The following GPR137 variants were observed in gnomAD, a reference collection of about 807,000 sequenced individuals.
GPR137 encodes the protein G protein-coupled receptor 137.
A neutral mutation model predicts 38.9 loss-of-function variants in GPR137; 20 were observed. That is an observed-to-expected ratio of 0.51 (90% CI 0.36 to 0.75). GPR137 has a LOEUF of 0.75. GPR137 is among the 30% of genes least tolerant of loss of function. GPR137 has a pLI of 0.00. For synonymous variants in GPR137, 226 were observed against 235.8 expected (o/e 0.96, Z 0.38); for missense variants, 456 against 526.4 (o/e 0.87, Z 1.31).
At chr11:64,277,167 A>C (rs1053973320) in intron 2 of GPR137, 12 of 595,764 alleles carry the variant, frequency 2.0e-5, no homozygotes, top group African/African-American at 1.7e-4. Context: ...GCCATCAGGC[A>C]AGGGCTGGGT....
At position 64,286,854 on chromosome 11, in the gene GPR137, G is replaced by T; in HGVS notation, c.330G>T (p.Leu110Phe). 6.3e-7 allele frequency: 1 copy of T among 1,598,314 alleles called. No individual in the cohort carries two copies. The highest frequency in any genetic ancestry group is 8.6e-7 in the Non-Finnish European group (1 of 1,169,412). Residue 110 changes from leucine to phenylalanine, a missense_variant, in exon 1 of 7, where the codon TTG becomes TTT. Transcript: ENST00000438980. ...CCGTCTGCCTGCAGTTCTTCACCTT[G>T]ACGCTTATGAACCTCTACTTTGCCC... is the stretch of plus-strand genomic sequence containing the variant. Reference protein sequence around the residue: ...CCPVCLQFFTLTLMNLYFAQV... With the variant: ...CCPVCLQFFTFTLMNLYFAQV...
chr11:64,286,545 C>CCTGGTGCCTGCTGCCGGG lies in GPR137; in HGVS notation c.33_50dup (p.Ala12_Ala17dup), dbSNP rs751594812. On this transcript the variant is annotated inframe_insertion, in exon 1 of 7. Transcript: ENST00000438980. Reference sequence around the variant, plus strand: ...CTGACATGGAGAGTAACCTGTCTGGCCTGGTGCCTGCTGCCGGGCTGGTGC... The same window carrying CCTGGTGCCTGCTGCCGGG: ...CTGACATGGAGAGTAACCTGTCTGGCCTGGTGCCTGCTGCCGGGCTGGTGCCTGCTGCCGGGCTGGTGC... 1 of 1,612,198 alleles carries CCTGGTGCCTGCTGCCGGG rather than the reference C, an allele frequency of 6.2e-7. No homozygotes were observed. The highest frequency in any genetic ancestry group is 1.7e-5 in the Admixed American group (1 of 59,934).
At chr11:64,284,954 C>A, upstream of GPR137, 2 of 1,398,270 alleles carry the variant, frequency 1.4e-6, no homozygotes, top group Non-Finnish European at 9.3e-7. Context: ...AGACCCACTT[C>A]TGCCAACAAG....
chr11:64,285,007 G>C (rs868108372), upstream of GPR137: 38 of 1,269,380 alleles, frequency 3.0e-5, 1 homozygote, highest in Middle Eastern at 2.1e-3. Context: ...CAGTGAAGTG[G>C]GGATAGTGAC....
At chr11:64,275,341 T>G (rs2032981859), upstream of GPR137, among the ~76,000 whole-genome samples, 1 of 152,060 alleles carries the variant, frequency 6.6e-6, no homozygotes, top group South Asian at 2.1e-4. Flanking sequence ...TAATTTCCAG[T>G]TCTGTGGTGC....
upstream of GPR137, among the ~76,000 whole-genome samples, chr11:64,280,597 C>T (rs1429587504): frequency 4.0e-5 from 6 of 151,122 alleles, no homozygotes; most frequent in Admixed American, 6.6e-5. Context: ...GTGATCCGCC[C>T]GCCTCGGCCT....
At chr11:64,271,789 C>T, upstream of GPR137, 1 of 1,341,180 alleles carries the variant, frequency 7.5e-7, no homozygotes, top group Non-Finnish European at 9.6e-7. Context: ...CTCCGGATCT[C>T]CACAGCCCCA....
upstream of GPR137, among the ~76,000 whole-genome samples, chr11:64,273,855 CAAAAA>C (rs34577596): frequency 1.8e-4 from 10 of 54,836 alleles, no homozygotes; most frequent in East Asian, 5.3e-3. Flanking sequence ...GCACCCATCT[CAAAAA>C]AAAAAAAAAA....
At chr11:64,285,064 G>T, upstream of GPR137, 1 of 1,089,950 alleles carries the variant, frequency 9.2e-7, no homozygotes, top group Non-Finnish European at 1.1e-6. Flanking sequence ...AGTGATTACT[G>T]CGGGCGAAGG....
chr11:64,287,135 G>A, intron 2 of GPR137, 121 bp downstream of exon 2: 2 of 1,488,962 alleles, frequency 1.3e-6, no homozygotes, highest in Admixed American at 2.3e-5. Flanking sequence ...GTCTGTGGAA[G>A]ATCTTGGAAA....
chr11:64,284,397 G>C, upstream of GPR137: 1 of 1,611,586 alleles, frequency 6.2e-7, no homozygotes, highest in Non-Finnish European at 8.5e-7. Context: ...AAGATGTTAC[G>C]TAGTCAAGGC....
At chr11:64,271,522 G>C (rs2032604550), upstream of GPR137, 4 of 1,290,574 alleles carry the variant, frequency 3.1e-6, no homozygotes, top group Non-Finnish European at 4.0e-6. Flanking sequence ...TGGGACTCCA[G>C]ATCCGGGCGT....
intron 2 of GPR137, chr11:64,276,679 G>A (rs2033090621): frequency 1.9e-6 from 1 of 531,454 alleles, no homozygotes; most frequent in Non-Finnish European, 3.3e-6. Context: ...CCCTGGGGGA[G>A]TGTCTGTGAA....
upstream of GPR137, chr11:64,284,837 T>C: frequency 2.7e-6 from 4 of 1,477,086 alleles, no homozygotes; most frequent in South Asian, 1.2e-5. Flanking sequence ...GTCCGCATCC[T>C]TTTTCCTCCC....
chr11:64,284,155 G>A, upstream of GPR137: 4 of 1,544,488 alleles, frequency 2.6e-6, no homozygotes, highest in South Asian at 1.2e-5. Flanking sequence ...GAGGTGTCCC[G>A]GCAGGTGGAG....
upstream of GPR137, chr11:64,271,993 G>A: frequency 4.7e-6 from 2 of 423,036 alleles, no homozygotes; most frequent in Non-Finnish European, 8.1e-6. Flanking sequence ...CTTTGGTGAA[G>A]ATTTAGGTTA....
chr11:64,285,758 G>C (rs1246189957), upstream of GPR137: 3 of 985,268 alleles, frequency 3.0e-6, no homozygotes, highest in South Asian at 1.4e-4. Flanking sequence ...GTTTCACGCC[G>C]GGTGCGGCGC....
upstream of GPR137, among the ~76,000 whole-genome samples, chr11:64,281,815 G>A (rs897219359): frequency 2.6e-5 from 4 of 152,164 alleles, no homozygotes; most frequent in South Asian, 8.3e-4. Flanking sequence ...CCGCCTCCCG[G>A]GTTCAAGCGA....
At position 64,288,703 on chromosome 11, in the gene GPR137, G is replaced by T; in HGVS notation, c.1013G>T (p.Ser338Ile). 1 of 1,568,992 alleles carries T rather than the reference G, an allele frequency of 6.4e-7. No homozygotes were observed. The change falls in exon 6 of 7, where the codon AGC becomes ATC. Residue 338 changes from serine (S) to isoleucine (I), a missense_variant. Transcript: ENST00000438980. This position sits in a 1 kb window ranked among gnomAD's most constrained non-coding sequence, Gnocchi z 5.5. The part of the protein sequence containing the change: ...CEDEGCSWEH[S>I]RGESTSMSGS... ...GATGAGGGCTGCTCCTGGGAGCACA[G>T]CCGGGGTGAGAGCACCAGGTAGGAG...
Sources: gnomAD v4.1 joint callset for allele counts (sites outside exome capture counted in the v4.1 genomes callset) on GRCh38, gnomAD v4.1.1 for gene constraint, Gnocchi (gnomAD v3.1) non-coding constraint, MANE v1.5 for transcripts, NCBI Gene and HGNC (gene_info 2026-07-23, HGNC 2026-07-21) for gene names.